The following ABCC5 variants were observed in gnomAD, a reference collection of about 807,000 sequenced individuals.
ABCC5 encodes the protein ATP binding cassette subfamily C member 5, also known as ATP-binding cassette sub-family C member 5.
A neutral mutation model predicts 160.9 loss-of-function variants in ABCC5; 61 were observed. The ratio of observed to expected loss-of-function variants is 0.38; its 90% CI spans 0.31 to 0.47. The LOEUF is 0.47. Ranked by LOEUF, ABCC5 falls within the 20% of genes least tolerant of loss-of-function variation. ABCC5 has a pLI of 0.99. For missense variants in ABCC5, 1,308 were observed against 1,813.3 expected (o/e 0.72, Z 5.06); for synonymous variants, 666 against 700.6 (o/e 0.95, Z 0.78).
chr3:183,970,816 T>C (rs1217765348), intron 11 of ABCC5, among the ~76,000 whole-genome samples: 1 of 152,204 alleles, frequency 6.6e-6, no homozygotes, highest in African/African-American at 2.4e-5. Context: ...CTGTGCCTGC[T>C]AGAATGTAAA....
intron 10 of ABCC5, among the ~76,000 whole-genome samples, chr3:183,972,650 T>C (rs986647800): frequency 2.0e-5 from 3 of 152,138 alleles, no homozygotes; most frequent in Admixed American, 2.0e-4. Flanking sequence ...AAAAGAAAAA[T>C]AATTTTTTTT....
intron 17 of ABCC5, among the ~76,000 whole-genome samples, chr3:183,953,804 C>T (rs1031374505): frequency 1.3e-5 from 2 of 152,130 alleles, no homozygotes. Flanking sequence ...AACACACCAC[C>T]ACAGTGATTC....
chr3:183,940,963 A>G (rs1490717803), intron 25 of ABCC5, among the ~76,000 whole-genome samples: 1 of 152,046 alleles, frequency 6.6e-6, no homozygotes, highest in African/African-American at 2.4e-5. Context: ...GGTTCAAGAG[A>G]TTCTCCTGCT....
At chr3:183,981,624 G>T in intron 8 of ABCC5, 103 bp downstream of exon 8, 1 of 1,224,866 alleles carries the variant, frequency 8.2e-7, no homozygotes, top group South Asian at 1.3e-5. Context: ...CTAGACACTA[G>T]TCCTAGTACG....
rs1719303914 is a variant in ABCC5, at chr3:183,987,270, G to A, written c.591+500C>T. On this transcript the variant is annotated intron_variant, in intron 5 of 29. Coordinates refer to ENST00000334444, the MANE Select transcript of ABCC5 (RefSeq NM_005688.4). The surrounding 1 kb of genome is among the most constrained non-coding windows in gnomAD (Gnocchi z 4.2). ...CACTTGCCACACAGTCACACTATAA[G>A]CCAAACTTAAACGGACTCCAGGTCA... 1 of 227,682 alleles carries A rather than the reference G, an allele frequency of 4.4e-6. No individual in the cohort carries two copies. Among genetic ancestry groups the A allele is most frequent in the Admixed American group, 5.1e-5 (1 of 19,430 alleles). 14.1% of individuals were successfully genotyped at this position (227,682 alleles called of 1,614,324 possible).
chr3:183,960,207 T>C (rs1205832294), intron 16 of ABCC5, among the ~76,000 whole-genome samples: 1 of 152,124 alleles, frequency 6.6e-6, no homozygotes, highest in South Asian at 2.1e-4. Context: ...TACCACAGGA[T>C]AAACATAAGC....
intron 25 of ABCC5, among the ~76,000 whole-genome samples, chr3:183,941,527 T>C (rs1714351232): frequency 6.6e-6 from 1 of 152,122 alleles, no homozygotes; most frequent in Admixed American, 6.5e-5. Context: ...AAGGTTTTTT[T>C]TTTTTTAATG....
chr3:183,945,227 C>T (rs1714728928), intron 24 of ABCC5, among the ~76,000 whole-genome samples: 1 of 152,160 alleles, frequency 6.6e-6, no homozygotes, highest in African/African-American at 2.4e-5. Flanking sequence ...TAAGACATCC[C>T]TGTAGGAAAT....
chr3:183,957,974 CCG>C (rs1369937608), intron 17 of ABCC5, among the ~76,000 whole-genome samples: 17 of 104,414 alleles, frequency 1.6e-4, no homozygotes, highest in Non-Finnish European at 2.5e-4. Context: ...ACATGCGGAT[CCG>C]TGTGTACATC....
intron 24 of ABCC5, among the ~76,000 whole-genome samples, chr3:183,945,293 G>A (rs897283739): frequency 3.3e-5 from 5 of 152,206 alleles, no homozygotes; most frequent in African/African-American, 9.6e-5. Context: ...ACGGCAAGAC[G>A]GAAGGGGTTC....
chr3:183,971,500 T>C, intron 11 of ABCC5, 63 bp downstream of exon 11: 4 of 1,469,080 alleles, frequency 2.7e-6, no homozygotes, highest in South Asian at 2.4e-5. Context: ...CAGCCGCCTA[T>C]TGGTGGCAGA....
At chr3:183,944,823 C>A (rs1424457706) in intron 24 of ABCC5, among the ~76,000 whole-genome samples, 1 of 152,114 alleles carries the variant, frequency 6.6e-6, no homozygotes, top group Non-Finnish European at 1.5e-5. Context: ...CCCTGGGAAG[C>A]CAAATGATTG....
chr3:183,929,575 GA>G (rs2108762878), intron 26 of ABCC5, among the ~76,000 whole-genome samples: 1 of 152,282 alleles, frequency 6.6e-6, no homozygotes, highest in South Asian at 2.1e-4. Context: ...ACCAGGGAAA[GA>G]AACTGATCCA....
intron 10 of ABCC5, among the ~76,000 whole-genome samples, chr3:183,974,394 G>C (rs1274579494): frequency 6.6e-6 from 1 of 152,152 alleles, no homozygotes; most frequent in East Asian, 1.9e-4. Context: ...TGCAACCTCT[G>C]CCTCCCAGGT....
intron 2 of ABCC5, among the ~76,000 whole-genome samples, chr3:183,993,086 G>A (rs1232286785): frequency 1.3e-5 from 2 of 152,148 alleles, no homozygotes; most frequent in African/African-American, 2.4e-5. Context: ...CTTAACTGGG[G>A]TTTAAAATAG....
intron 29 of ABCC5, among the ~76,000 whole-genome samples, chr3:183,922,476 T>C (rs1468925262): frequency 3.9e-5 from 6 of 152,266 alleles, no homozygotes; most frequent in African/African-American, 1.4e-4. Context: ...CATTTTGTTA[T>C]GCAAGCTGAT....
At chr3:183,945,322 A>G (rs1389142641) in intron 24 of ABCC5, among the ~76,000 whole-genome samples, 1 of 152,206 alleles carries the variant, frequency 6.6e-6, no homozygotes, top group Non-Finnish European at 1.5e-5. Context: ...AGGTGGGAAG[A>G]GCTGGATACT....
At chr3:183,960,004 A>C (rs1247700353) in intron 16 of ABCC5, among the ~76,000 whole-genome samples, 169 bp from the exon 17 acceptor site, 1 of 152,192 alleles carries the variant, frequency 6.6e-6, no homozygotes, top group Non-Finnish European at 1.5e-5. Context: ...TCATCTCCTT[A>C]AATTTTTAAG....
At chr3:183,936,108 G>A (rs959209743) in intron 26 of ABCC5, among the ~76,000 whole-genome samples, 1 of 152,082 alleles carries the variant, frequency 6.6e-6, no homozygotes, top group South Asian at 2.1e-4. Context: ...GATCATGAGG[G>A]TGGGGCCTCA....
Sources: allele counts gnomAD v4.1 joint callset (sites outside exome capture counted in the v4.1 genomes callset), GRCh38; gene constraint gnomAD v4.1.1; non-coding constraint Gnocchi (gnomAD v3.1); transcripts MANE v1.5; gene names NCBI Gene and HGNC (gene_info 2026-07-23, HGNC 2026-07-21).